Variants in SEZ6L observed in about 807,000 individuals in gnomAD.
SEZ6L encodes seizure 6-like protein.
SEZ6L carries 37 observed loss-of-function variants against 106.2 expected under a neutral mutation model. The observed-to-expected ratio is 0.35, with a 90% confidence interval of 0.27 to 0.46. The LOEUF (loss-of-function observed/expected upper bound fraction) is 0.46, where lower values mean the gene tolerates loss of function less well. Among genes scored for constraint, SEZ6L ranks in the 20% least tolerant of loss-of-function variants. The pLI, the probability that SEZ6L is intolerant of heterozygous loss-of-function variation, is 1.00. For synonymous variants in SEZ6L, 541 were observed against 570.4 expected (o/e 0.95, Z 0.73); for missense variants, 1,172 against 1,332.8 (o/e 0.88, Z 1.88).
intron 1 of SEZ6L, among the ~76,000 whole-genome samples, chr22:26,230,396 C>T (rs1311069268): frequency 6.6e-6 from 1 of 152,172 alleles, no homozygotes; most frequent in South Asian, 2.1e-4. Flanking sequence ...CTTTGGGACC[C>T]TGGTCAGGTC....
At chr22:26,336,322 T>G (rs1292669325) in intron 9 of SEZ6L, among the ~76,000 whole-genome samples, 1 of 152,182 alleles carries the variant, frequency 6.6e-6, no homozygotes, top group East Asian at 1.9e-4. Flanking sequence ...GCACCATCTC[T>G]AAAATTCCTG....
intron 1 of SEZ6L, among the ~76,000 whole-genome samples, chr22:26,211,624 G>A (rs1420841512): frequency 6.6e-6 from 1 of 151,842 alleles, no homozygotes; most frequent in Non-Finnish European, 1.5e-5. Flanking sequence ...GGTCAGGCCA[G>A]ATGGCTTTAG....
In SEZ6L at chr22:26,305,962, AC is replaced by A. The variant is rs147287332; in HGVS notation, c.1349-13del. ...CTCTGCTCTCTCCCATTGCCCACCC[AC>A]CCCTTTCTGGATCAGCTCCTTGTGG... On this transcript the variant is annotated splice_polypyrimidine_tract_variant and intron_variant, in intron 5 of 16. Coordinates refer to ENST00000248933, the MANE Select transcript of SEZ6L (RefSeq NM_021115.5). The A allele has an allele frequency of 2.3e-3, 3,524 of 1,511,738 alleles. 110 individuals are homozygous for A. The East Asian group carries it at 0.061, about 26-fold the overall frequency. 93.6% of individuals were successfully genotyped at this position (1,511,738 alleles called of 1,614,324 possible).
intron 1 of SEZ6L, among the ~76,000 whole-genome samples, chr22:26,197,352 A>G (rs1940649221): frequency 1.3e-5 from 2 of 152,146 alleles, no homozygotes; most frequent in South Asian, 4.1e-4. Flanking sequence ...TTTACCTTCT[A>G]TTGCATGACA....
chr22:26,190,187 A>G (rs763180784), intron 1 of SEZ6L, among the ~76,000 whole-genome samples: 2 of 152,094 alleles, frequency 1.3e-5, no homozygotes, highest in Non-Finnish European at 2.9e-5. Flanking sequence ...GGAAGTTTTT[A>G]TTCTTCACCC....
chr22:26,265,753 C>T (rs954360634), intron 1 of SEZ6L, among the ~76,000 whole-genome samples: 6 of 152,200 alleles, frequency 3.9e-5, no homozygotes, highest in Admixed American at 3.3e-4. Context: ...CTCTCTTCTT[C>T]TTCTTAAGGG....
intron 9 of SEZ6L, among the ~76,000 whole-genome samples, chr22:26,324,103 A>ACAAAC (rs1569463232): frequency 1.4e-4 from 12 of 83,402 alleles, no homozygotes; most frequent in South Asian, 8.7e-4. Flanking sequence ...CACACACACA[A>ACAAAC]ACACACACAC....
At chr22:26,367,050 C>G (rs2083840362) in intron 13 of SEZ6L, among the ~76,000 whole-genome samples, 1 of 152,130 alleles carries the variant, frequency 6.6e-6, no homozygotes, top group Admixed American at 6.5e-5. Context: ...CATTTACATA[C>G]ATACATAGCT....
At chr22:26,363,261 A>G (rs1369831863) in intron 12 of SEZ6L, among the ~76,000 whole-genome samples, 1 of 152,262 alleles carries the variant, frequency 6.6e-6, no homozygotes, top group Admixed American at 6.5e-5. Context: ...CAAGCTGAGT[A>G]GAGCCCAAAT....
At chr22:26,292,197 A>T (rs558713855) in intron 1 of SEZ6L, 7 of 497,800 alleles carry the variant, frequency 1.4e-5, no homozygotes, top group African/African-American at 1.4e-4. Flanking sequence ...GGAGGGTGGG[A>T]GGAAAAGAAG....
At position 26,292,642 on chromosome 22, in the gene SEZ6L, C is replaced by T. The variant is rs1165070722; in HGVS notation, c.331C>T (p.His111Tyr). The stretch of plus-strand genomic sequence containing the variant: ...GCTTCCAGAGGAGGCCCGCCCCAAG[C>T]ACGCCTTGCCCCCCAAGAAGAAACT... The part of the protein sequence containing the change: ...PLLPEEARPK[H>Y]ALPPKKKLPS... The change falls in exon 2 of 17, where the codon CAC (histidine) becomes TAC (tyrosine). Residue 111 changes from histidine to tyrosine, a missense_variant. Around this residue, in one of 4 missense-constraint regions of SEZ6L, gnomAD observed 494 missense variants for 445.8 expected, o/e 1.11. Transcript: ENST00000248933. 10 of 1,613,034 alleles carry T rather than the reference C, an allele frequency of 6.2e-6. No individual in the cohort carries two copies. The highest frequency in any genetic ancestry group is 2.2e-5 in the East Asian group (1 of 44,848).
At chr22:26,184,158 C>G (rs1359378422) in intron 1 of SEZ6L, among the ~76,000 whole-genome samples, 1 of 152,158 alleles carries the variant, frequency 6.6e-6, no homozygotes, top group Non-Finnish European at 1.5e-5. Context: ...TTGATTCTTA[C>G]AAAATGTCAG....
chr22:26,254,440 G>A (rs2079734981), intron 1 of SEZ6L, among the ~76,000 whole-genome samples: 1 of 151,768 alleles, frequency 6.6e-6, no homozygotes, highest in African/African-American at 2.4e-5. Context: ...TGGGAGGGAA[G>A]GAAAAATGTC....
chr22:26,206,733 A>T lies in SEZ6L; in HGVS notation c.94+36970A>T, dbSNP rs116260362. 2.2e-3 allele frequency among the ~76,000 whole-genome samples: 330 copies of T among 152,332 alleles called. 2 individuals carry two copies. The highest frequency in any genetic ancestry group is 7.7e-3 in the African/African-American group (320 of 41,580). ...AGATAATCACAGTATCCTAGGAAAT[A>T]AAAAAACAGCACCCATTTGAGTTGC... On this transcript the variant is annotated intron_variant, in intron 1 of 16. Transcript: ENST00000248933.
At chr22:26,172,267 T>G (rs1469192188) in intron 1 of SEZ6L, among the ~76,000 whole-genome samples, 1 of 152,172 alleles carries the variant, frequency 6.6e-6, no homozygotes, top group Non-Finnish European at 1.5e-5. Context: ...TAGATTCACT[T>G]AAAGACTATT....
chr22:26,310,640 A>C lies in SEZ6L; in HGVS notation c.1515-30A>C, dbSNP rs756166869. The stretch of plus-strand genomic sequence containing the variant: ...TGTCAGTGACCCAGGAAGATCTGTC[A>C]GTGTCCCTCCTCTCTGCTCCCACTG... On this transcript the variant is annotated intron_variant, in intron 6 of 16. Coordinates refer to ENST00000248933, the MANE Select transcript of SEZ6L (RefSeq NM_021115.5). The C allele has an allele frequency of 5.6e-6, 9 of 1,612,264 alleles. No individual in the cohort carries two copies. The Middle Eastern group carries it at 8.2e-4, about 147-fold the overall frequency.
intron 5 of SEZ6L, among the ~76,000 whole-genome samples, chr22:26,304,628 A>C (rs2081578745): frequency 1.3e-5 from 2 of 152,202 alleles, no homozygotes; most frequent in Admixed American, 1.3e-4. Flanking sequence ...GTAATAGATG[A>C]TTCTGGTAAG....
intron 9 of SEZ6L, among the ~76,000 whole-genome samples, chr22:26,334,838 T>C (rs2082596495): frequency 6.6e-6 from 1 of 152,102 alleles, no homozygotes; most frequent in South Asian, 2.1e-4. Flanking sequence ...AGCTTTGTGG[T>C]CCTACAGGAT....
At chr22:26,273,826 G>A (rs1257515610) in intron 1 of SEZ6L, among the ~76,000 whole-genome samples, 1 of 152,144 alleles carries the variant, frequency 6.6e-6, no homozygotes, top group Non-Finnish European at 1.5e-5. Flanking sequence ...GGGGTAGGAT[G>A]GGATAGAATA....
Sources: gnomAD v4.1 joint callset for allele counts (sites outside exome capture counted in the v4.1 genomes callset) on GRCh38, gnomAD v4.1.1 for gene constraint, gnomAD v4.1.1 regional missense constraint, MANE v1.5 for transcripts, NCBI Gene and HGNC (gene_info 2026-07-23, HGNC 2026-07-21) for gene names.